CYP2A6: variants seen among roughly 807,000 people sequenced by gnomAD.
The protein encoded by CYP2A6 is cytochrome P450 family 2 subfamily A member 6.
CYP2A6 carries 27 observed loss-of-function variants against 42.3 expected under a neutral mutation model. That is an observed-to-expected ratio of 0.64 (90% CI 0.47 to 0.88). CYP2A6 has a LOEUF of 0.88. CYP2A6 is among the 40% of genes least tolerant of loss of function. CYP2A6 has a pLI of 0.00. For missense variants in CYP2A6, 628 were observed against 646.0 expected, an observed-to-expected ratio of 0.97 and a Z score of 0.30; for synonymous variants, 238 against 246.3, an observed-to-expected ratio of 0.97 and a Z score of 0.31.
Position 40,850,028 on chromosome 19 carries a change from A to C in CYP2A6, c.181-48T>G, listed in dbSNP as rs111368201. ...GTTAGAGGGAGAAGCCTCCACTCTG[A>C]ATGGGGCCCAGCACCGAGATGTCAT... On this transcript the variant is annotated intron_variant, in intron 1 of 8. Coordinates refer to ENST00000301141, the MANE Select transcript of CYP2A6 (RefSeq NM_000762.6). 6.9e-6 allele frequency: 11 copies of C among 1,603,188 alleles called. 1 individual carries two copies. The highest frequency in any genetic ancestry group is 1.3e-5 in the African/African-American group (1 of 74,428).
intron 8 of CYP2A6, 34 bp from the exon 9 acceptor site, chr19:40,844,011 G>A: frequency 1.3e-6 from 2 of 1,560,062 alleles, no homozygotes; most frequent in Non-Finnish European, 1.7e-6. Context: ...TGGAGGTGAA[G>A]CCCACTCTCA....
At chr19:40,848,940 TAGAG>T (rs67032351) in intron 2 of CYP2A6, among the ~76,000 whole-genome samples, 177 bp from the exon 3 acceptor site, 16,914 of 65,856 alleles carry the variant, frequency 0.26, 2,366 homozygotes, top group Admixed American at 0.36. Context: ...GATGTCGAGG[TAGAG>T]AGAGAGAGAG....
chr19:40,846,228 C>T, intron 5 of CYP2A6, 131 bp from the exon 6 acceptor site: 1 of 1,318,082 alleles, frequency 7.6e-7, no homozygotes, highest in Non-Finnish European at 1.0e-6. Flanking sequence ...ATCTACCAGA[C>T]TCGCTCTAGG....
chr19:40,848,835 G>C (rs1320355954), intron 2 of CYP2A6, 72 bp from the exon 3 acceptor site: 2 of 1,531,322 alleles, frequency 1.3e-6, no homozygotes, highest in African/African-American at 1.4e-5. Context: ...GCTCCAAGGG[G>C]CTCCCCAAGG....
chr19:40,847,662 G>A (rs567286959), intron 4 of CYP2A6, among the ~76,000 whole-genome samples: 25 of 151,720 alleles, frequency 1.6e-4, no homozygotes, highest in Non-Finnish European at 2.5e-4. Flanking sequence ...GGAACAATCT[G>A]TCTAGATATT....
At chr19:40,849,634 AG>A (rs1279509616) in intron 2 of CYP2A6, among the ~76,000 whole-genome samples, 183 bp downstream of exon 2, 1 of 151,432 alleles carries the variant, frequency 6.6e-6, no homozygotes, top group Non-Finnish European at 1.5e-5. Flanking sequence ...GAATCAGGAC[AG>A]GGACGCTGGA....
At chr19:40,845,263 C>G in intron 7 of CYP2A6, 31 bp downstream of exon 7, 2 of 1,610,890 alleles carry the variant, frequency 1.2e-6, no homozygotes, top group Non-Finnish European at 1.7e-6. Context: ...CTGGAAGTCC[C>G]CGTAGTCTGG....
rs1309370385 is a variant in CYP2A6 at position 40,848,223 on chromosome 19, C to T, written c.650G>A (p.Gly217Glu). ...GIFQFTSTST[G>E]QLYEMFSSVM... ...GGCCGGGCTGCAGCCAGTTACCTGC[C>T]CCGTGGAGGTTGACGTGAACTGGAA... The change falls in exon 4 of 9, where the codon GGG becomes GAG. Residue 217 changes from glycine (G) to glutamate (E), a missense_variant. By Grantham distance (98) the Gly-to-Glu change is moderately conservative. Coordinates refer to ENST00000301141, the MANE Select transcript of CYP2A6 (RefSeq NM_000762.6). 22 of 1,611,640 alleles carry T rather than the reference C, an allele frequency of 1.4e-5. No individual in the cohort carries two copies. Among genetic ancestry groups the T allele is most frequent in the Non-Finnish European group, 1.7e-5 (20 of 1,179,842 alleles).
rs1193510304 is a variant in CYP2A6 at position 40,849,021 on chromosome 19, GGAGA to G, written c.344-262_344-259del. 5.0e-4 allele frequency among the ~76,000 whole-genome samples: 25 copies of G among 50,120 alleles called. 2 individuals carry two copies. Among genetic ancestry groups the G allele is most frequent in the Admixed American group, 2.5e-3 (9 of 3,632 alleles). 32.9% of individuals were successfully genotyped at this position (50,120 alleles called of 152,430 possible). A position where few individuals can be genotyped will look rare whatever the true frequency, so the allele number is the denominator to read the frequency against. ...GAGAGAGAGAGAGAGAAGAGAGAGA[GGAGA>G]GAGAGAGAGAAGAGAGAGAGGAGAG... On this transcript the variant is annotated intron_variant, in intron 2 of 8. Transcript: ENST00000301141.
intron 2 of CYP2A6, 80 bp from the exon 3 acceptor site, chr19:40,848,843 A>G: frequency 1.3e-6 from 2 of 1,500,160 alleles, no homozygotes; most frequent in Non-Finnish European, 1.8e-6. Context: ...GGGCTCCCCA[A>G]GGGTGGAGGA....
chr19:40,850,339 T>C lies in CYP2A6; in HGVS notation c.88A>G (p.Lys30Glu). ...LMSVWQQRKS[K>E]GKLPPGPTPL... ...GTGGGTCCCGGAGGCAGCTTCCCCT[T>C]GCTCTTCCTCTGCTGCCAAACAGAC... is the stretch of plus-strand genomic sequence containing the variant. Residue 30 changes from lysine (K) to glutamate (E), a missense_variant, in exon 1 of 9, where the codon AAG becomes GAG. Lys to Glu is a moderately conservative substitution (Grantham distance 56, BLOSUM62 1). Coordinates refer to ENST00000301141, the MANE Select transcript of CYP2A6 (RefSeq NM_000762.6). 1 of 1,610,100 alleles carries C rather than the reference T, an allele frequency of 6.2e-7. No individual in the cohort carries two copies. The highest frequency in any genetic ancestry group is 8.5e-7 in the Non-Finnish European group (1 of 1,178,862).
rs563765909 is a variant in CYP2A6, at chr19:40,850,082, C to T, written c.181-102G>A. 188 of 1,549,800 alleles carry T rather than the reference C, an allele frequency of 1.2e-4. 8 individuals carry two copies. Among genetic ancestry groups the T allele is most frequent in the Non-Finnish European group, 1.6e-4 (182 of 1,147,916 alleles). On this transcript the variant is annotated intron_variant, in intron 1 of 8. Transcript: ENST00000301141. ...CTGGGATGCTTCGCACCCAGGTTCT[C>T]ACAGTCAGGGAGCTGGACATCCCAA...
intron 2 of CYP2A6, 45 bp from the exon 3 acceptor site, chr19:40,848,808 G>C: frequency 1.3e-6 from 2 of 1,574,210 alleles, no homozygotes; most frequent in Non-Finnish European, 1.7e-6. Flanking sequence ...GGGGGCGGCA[G>C]GGGCAGGAGC....
At chr19:40,849,054 GA>G (rs1282022277) in intron 2 of CYP2A6, among the ~76,000 whole-genome samples, 17 of 122,236 alleles carry the variant, frequency 1.4e-4, no homozygotes, top group African/African-American at 4.7e-4. Context: ...AGGAGAGAGA[GA>G]GAGAGAGAGA....
Position 40,845,973 on chromosome 19 carries a change from T to C in CYP2A6, c.956A>G (p.Lys319Arg), listed in dbSNP as rs752037419. 18 of 1,610,814 alleles carry C rather than the reference T, an allele frequency of 1.1e-5. No individual in the cohort carries two copies. The highest frequency in any genetic ancestry group is 1.4e-5 in the Non-Finnish European group (17 of 1,179,736). ...AGCCTTACCCTCCACCTCTGGGTGC[T>C]TCATGAGCAGCAAGAAGCCATAGCG... ...TLRYGFLLLM[K>R]HPEVEAKVHE... Residue 319 changes from lysine (K) to arginine (R), a missense_variant, in exon 6 of 9, where the codon AAG becomes AGG. By Grantham distance (26) the Lys-to-Arg change is conservative. This residue lies in a region of CYP2A6 where 606 missense variants were observed against 568.1 expected (regional missense o/e 1.07). Coordinates refer to ENST00000301141, the MANE Select transcript of CYP2A6 (RefSeq NM_000762.6).
rs376628808 is a variant in CYP2A6 at position 40,847,061 on chromosome 19, C to T, written c.655-10G>A. The T allele has an allele frequency of 1.7e-5, 27 of 1,609,606 alleles. No individual in the cohort carries two copies. The highest frequency in any genetic ancestry group is 2.3e-5 in the Non-Finnish European group (27 of 1,178,696). ...AGAACATCTCATAGAGCTGGGGTTG[C>T]AGAGAGAGGATGGGAAGGGAAGGAC... On this transcript the variant is annotated splice_polypyrimidine_tract_variant and intron_variant, in intron 4 of 8. Transcript: ENST00000301141.
intron 3 of CYP2A6, 108 bp from the exon 4 acceptor site, chr19:40,848,487 A>G: frequency 6.3e-7 from 1 of 1,582,420 alleles, no homozygotes; most frequent in South Asian, 1.2e-5. Context: ...TCCCAGCGCC[A>G]GACTCCAGGG....
At chr19:40,848,817 G>C in intron 2 of CYP2A6, 54 bp from the exon 3 acceptor site, 1 of 1,564,136 alleles carries the variant, frequency 6.4e-7, no homozygotes, top group Non-Finnish European at 8.7e-7. Flanking sequence ...AGGGGCAGGA[G>C]CGGAGCAGCT....
intron 4 of CYP2A6, among the ~76,000 whole-genome samples, chr19:40,847,774 G>T (rs1354793390): frequency 2.6e-5 from 4 of 151,794 alleles, no homozygotes; most frequent in East Asian, 2.0e-4. Context: ...GGCTAATCTG[G>T]GACATTTGTG....
Sources: gnomAD v4.1 joint callset for allele counts (sites outside exome capture counted in the v4.1 genomes callset) on GRCh38, gnomAD v4.1.1 for gene constraint, gnomAD v4.1.1 regional missense constraint, MANE v1.5 for transcripts, NCBI Gene and HGNC (gene_info 2026-07-23, HGNC 2026-07-21) for gene names.